The following DHX35 variants were observed in gnomAD, a reference collection of about 807,000 sequenced individuals.
The protein encoded by DHX35 is probable ATP-dependent RNA helicase DHX35.
Under a neutral mutation model 99.6 loss-of-function variants are expected in DHX35, and 84 were observed. That is an observed-to-expected ratio of 0.84 (90% confidence interval 0.71 to 1.01). DHX35 has a LOEUF of 1.01. DHX35 is among the 50% of genes least tolerant of loss of function. The pLI is 0.00. For missense variants in DHX35, 852 were observed against 888.5 expected (o/e 0.96, Z 0.52); for synonymous variants, 331 against 316.2 (o/e 1.05, Z -0.50).
At chr20:39,032,949 G>T (rs570378336) in intron 20 of DHX35, among the ~76,000 whole-genome samples, 11 of 152,176 alleles carry the variant, frequency 7.2e-5, no homozygotes, top group African/African-American at 2.4e-4. Flanking sequence ...ACGCACACTC[G>T]TGTGCAGGAT....
intron 1 of DHX35, among the ~76,000 whole-genome samples, chr20:38,967,152 A>C (rs993371434): frequency 1.3e-5 from 2 of 151,960 alleles, no homozygotes; most frequent in Admixed American, 1.3e-4. Context: ...CCCGAATTTT[A>C]TATTCTGGTA....
intron 8 of DHX35, among the ~76,000 whole-genome samples, chr20:38,995,262 C>T (rs951987356): frequency 2.0e-5 from 3 of 152,224 alleles, no homozygotes; most frequent in African/African-American, 7.2e-5. Flanking sequence ...CGGTGGCTCA[C>T]ACCTGTAATC....
intron 19 of DHX35, 192 bp from the exon 20 acceptor site, chr20:39,030,512 A>T: frequency 1.7e-6 from 1 of 572,364 alleles, no homozygotes; most frequent in Non-Finnish European, 3.1e-6. Flanking sequence ...TTTCCACGTG[A>T]TTTATTCTTG....
chr20:38,964,265 T>C (rs1249124752), intron 1 of DHX35, among the ~76,000 whole-genome samples: 2 of 152,114 alleles, frequency 1.3e-5, no homozygotes, highest in Non-Finnish European at 2.9e-5. Context: ...ATTTGTGCCT[T>C]TAGAATGTCC....
At chr20:39,029,022 G>A (rs2087002095) in intron 19 of DHX35, among the ~76,000 whole-genome samples, 2 of 152,152 alleles carry the variant, frequency 1.3e-5, no homozygotes, top group Non-Finnish European at 2.9e-5. Flanking sequence ...ACTCATTGAT[G>A]CCTTCCTAAT....
intron 12 of DHX35, 98 bp downstream of exon 12, chr20:39,006,454 A>G: frequency 7.7e-7 from 1 of 1,302,774 alleles, no homozygotes. Context: ...AACTTAACAT[A>G]AAATACAGGC....
chr20:38,988,841 G>T lies in DHX35; in HGVS notation c.374G>T (p.Gly125Val). 2 of 1,613,876 alleles carry T rather than the reference G, an allele frequency of 1.2e-6. No homozygotes were observed. The highest frequency in any genetic ancestry group is 2.2e-5 in the East Asian group (1 of 44,858). The stretch of plus-strand genomic sequence containing the variant: ...GCAGGGAGAGTAGCTGAAGAAAGGG[G>T]TGCAGTGCTGGGCCACGAGGTGGGC... ...TVAGRVAEER[G>V]AVLGHEVGYC... is the part of the protein sequence containing the mutation. The change falls in exon 5 of 22, where the codon GGT becomes GTT. Residue 125 changes from glycine (G) to valine (V), a missense_variant. Coordinates refer to ENST00000252011, the MANE Select transcript of DHX35 (RefSeq NM_021931.4).
intron 3 of DHX35, chr20:38,978,517 T>G: frequency 2.7e-6 from 1 of 368,898 alleles, no homozygotes; most frequent in Non-Finnish European, 5.0e-6. Flanking sequence ...ATCACACCCT[T>G]TTGCTCATTT....
At chr20:39,005,346 A>G (rs927242592) in intron 11 of DHX35, among the ~76,000 whole-genome samples, 1 of 152,116 alleles carries the variant, frequency 6.6e-6, no homozygotes, top group Non-Finnish European at 1.5e-5. Flanking sequence ...TGTACTTTGT[A>G]TTTTGGCTGC....
intron 17 of DHX35, 50 bp from the exon 18 acceptor site, chr20:39,025,180 G>A: frequency 6.4e-7 from 1 of 1,571,518 alleles, no homozygotes; most frequent in East Asian, 2.3e-5. Flanking sequence ...CATAGCCTTA[G>A]TCGAGAACAT....
chr20:38,967,916 A>G (rs2085933263), intron 1 of DHX35, among the ~76,000 whole-genome samples: 1 of 152,116 alleles, frequency 6.6e-6, no homozygotes, highest in African/African-American at 2.4e-5. Flanking sequence ...CTGTCTGTCC[A>G]GTATAAAAGA....
At chr20:38,967,437 A>G (rs1411969864) in intron 1 of DHX35, among the ~76,000 whole-genome samples, 1 of 152,240 alleles carries the variant, frequency 6.6e-6, no homozygotes, top group Non-Finnish European at 1.5e-5. Flanking sequence ...AGCAAACTCC[A>G]GTGCTGAAAA....
chr20:38,977,216 G>A (rs1216188411), intron 3 of DHX35, among the ~76,000 whole-genome samples: 1 of 152,142 alleles, frequency 6.6e-6, no homozygotes, highest in East Asian at 1.9e-4. Context: ...CACCAACAGT[G>A]TGCAAGAGTT....
At position 39,028,462 on chromosome 20, in the gene DHX35, G is replaced by A. The variant is rs748224934; in HGVS notation, c.1846G>A (p.Ala616Thr). 7.4e-6 allele frequency: 12 copies of A among 1,614,078 alleles called. No individual in the cohort carries two copies. The Admixed American group carries it at 8.3e-5, about 11-fold the overall frequency. The change falls in exon 19 of 22, where the codon GCC becomes ACC. Residue 616 changes from alanine (A) to threonine (T), a missense_variant. Physicochemically the swap from Ala to Thr is moderately conservative, Grantham distance 58. Transcript: ENST00000252011. ...VLRCIVSGFF[A>T]NAARFHSTGA... ...GAGGTGCATTGTCTCCGGCTTCTTCGCCAATGCAGCGAGGTTTCATTCTAC... is the reference window on the plus strand; with the variant it reads ...GAGGTGCATTGTCTCCGGCTTCTTCACCAATGCAGCGAGGTTTCATTCTAC...
In DHX35 at chr20:38,971,421, T is replaced by A. The variant is rs189200497; in HGVS notation, c.175-1138T>A. On this transcript the variant is annotated intron_variant, in intron 2 of 21. Coordinates refer to ENST00000252011, the MANE Select transcript of DHX35 (RefSeq NM_021931.4). ...AGAGATTGTTAAAGATCACTGCCTC[T>A]TCCCCAGCACCATTATGAGGCCACC... 3.4e-4 allele frequency among the ~76,000 whole-genome samples: 52 copies of A among 152,176 alleles called. 1 individual carries two copies. The East Asian group carries it at 9.5e-3, about 28-fold the overall frequency.
intron 20 of DHX35, among the ~76,000 whole-genome samples, chr20:39,033,046 G>C (rs1379874293): frequency 6.6e-6 from 1 of 152,038 alleles, no homozygotes; most frequent in Non-Finnish European, 1.5e-5. Flanking sequence ...TTCAATACCA[G>C]CCTGGGTGCC....
intron 20 of DHX35, among the ~76,000 whole-genome samples, chr20:39,032,797 G>C (rs547665578): frequency 7.9e-5 from 12 of 152,292 alleles, no homozygotes; most frequent in African/African-American, 2.9e-4. Flanking sequence ...GGGCAGTAAA[G>C]TTTGAGTTCT....
chr20:39,001,798 A>C lies in DHX35; in HGVS notation c.711A>C (p.Thr237=). ...CAAGGGATACATGTGTGATCCTTAC[A>C]GTGGAAGGGAGAACATTTCCGGTGG... ...DPARDTCVIL[T]VEGRTFPVDI... Residue 237 remains threonine (T), a synonymous_variant, in exon 9 of 22, where the codon ACA becomes ACC. Coordinates refer to ENST00000252011, the MANE Select transcript of DHX35 (RefSeq NM_021931.4). 1 of 1,613,832 alleles carries C rather than the reference A, an allele frequency of 6.2e-7. No individual in the cohort carries two copies. Among genetic ancestry groups the C allele is most frequent in the Non-Finnish European group, 8.5e-7 (1 of 1,179,872 alleles).
At position 39,001,785 on chromosome 20, in the gene DHX35, G is replaced by A. The variant is rs1048086419; in HGVS notation, c.698G>A (p.Cys233Tyr). ...ACCAGTGATCCAGCAAGGGATACAT[G>A]TGTGATCCTTACAGTGGAAGGGAGA... ...NETSDPARDT[C>Y]VILTVEGRTF... Residue 233 changes from cysteine to tyrosine, a missense_variant, in exon 9 of 22, where the codon TGT (cysteine) becomes TAT (tyrosine). Physicochemically the swap from Cys to Tyr is radical, Grantham distance 194 (BLOSUM62 -2). Coordinates refer to ENST00000252011, the MANE Select transcript of DHX35 (RefSeq NM_021931.4). 1 of 1,613,804 alleles carries A rather than the reference G, an allele frequency of 6.2e-7. No homozygotes were observed.
Sources: gnomAD v4.1 joint callset for allele counts (sites outside exome capture counted in the v4.1 genomes callset) on GRCh38, gnomAD v4.1.1 for gene constraint, MANE v1.5 for transcripts, NCBI Gene and HGNC (gene_info 2026-07-23, HGNC 2026-07-21) for gene names.